SDHC: variants seen among roughly 807,000 people sequenced by gnomAD.
SDHC encodes succinate dehydrogenase complex subunit C.
SDHC carries 11 observed loss-of-function variants against 22.6 expected under a neutral mutation model. The observed-to-expected ratio is 0.49, with a 90% CI of 0.31 to 0.81. The LOEUF (loss-of-function observed/expected upper bound fraction) is 0.81. Among genes scored for constraint, SDHC ranks in the 30% least tolerant of loss-of-function variants. The pLI is 0.05. For missense variants in SDHC, 160 were observed against 212.0 expected, an observed-to-expected ratio of 0.75 and a Z score of 1.52; for synonymous variants, 80 against 77.8, an observed-to-expected ratio of 1.03 and a Z score of -0.15.
intron 3 of SDHC, 89 bp from the exon 4 acceptor site, chr1:161,340,505 A>G (rs1671681567): frequency 1.8e-6 from 2 of 1,131,686 alleles, no homozygotes; most frequent in Non-Finnish European, 2.6e-6. Context: ...TGCCTATTTC[A>G]GAATTAGTTT....
intron 2 of SDHC, among the ~76,000 whole-genome samples, chr1:161,324,611 T>C (rs543834857): frequency 7.8e-4 from 119 of 152,364 alleles, no homozygotes; most frequent in Non-Finnish European, 8.7e-4. Context: ...GATTATGCCA[T>C]ATGAAATTTT....
chr1:161,340,828 G>A (rs1671695498), intron 4 of SDHC, among the ~76,000 whole-genome samples, 173 bp downstream of exon 4: 1 of 152,082 alleles, frequency 6.6e-6, no homozygotes, highest in Non-Finnish European at 1.5e-5. Flanking sequence ...AGTTTGCACT[G>A]TGCTCAGATT....
chr1:161,343,192 G>A (rs1399899093), intron 4 of SDHC, among the ~76,000 whole-genome samples: 1 of 152,172 alleles, frequency 6.6e-6, no homozygotes. Context: ...TCTGTCTTCT[G>A]AGACCCTGAA....
chr1:161,356,994 G>A (rs531497898), intron 5 of SDHC, among the ~76,000 whole-genome samples, 154 bp downstream of exon 5: 4 of 151,590 alleles, frequency 2.6e-5, no homozygotes, highest in East Asian at 1.9e-4. Context: ...GCAGTGGTGC[G>A]ATCTCAGCTC....
intron 1 of SDHC, chr1:161,314,868 T>G: frequency 5.9e-6 from 1 of 169,428 alleles, no homozygotes; most frequent in Non-Finnish European, 1.3e-5. Flanking sequence ...CACTAGCTGC[T>G]CCCACCGTGA....
intron 5 of SDHC, among the ~76,000 whole-genome samples, chr1:161,358,252 T>G (rs1487435456): frequency 6.6e-6 from 1 of 151,746 alleles, no homozygotes; most frequent in Non-Finnish European, 1.5e-5. Flanking sequence ...TTTGCCATGT[T>G]GGCCAGCCTT....
intron 3 of SDHC, among the ~76,000 whole-genome samples, chr1:161,329,523 G>A (rs4308999): frequency 0.11 from 16,133 of 151,874 alleles, 1,616 homozygotes; most frequent in African/African-American, 0.27. Context: ...TAAGAGATGA[G>A]GTTTTGCCAT....
intron 5 of SDHC, among the ~76,000 whole-genome samples, chr1:161,361,011 G>A (rs1473596973): frequency 1.3e-5 from 2 of 152,054 alleles, no homozygotes; most frequent in Non-Finnish European, 1.5e-5. Context: ...CACTGGCAGG[G>A]CTGAGGCAAG....
chr1:161,350,142 A>T (rs773158126), intron 4 of SDHC, among the ~76,000 whole-genome samples: 19 of 152,050 alleles, frequency 1.2e-4, no homozygotes, highest in Non-Finnish European at 2.4e-4. Context: ...ACTCCTGACT[A>T]CAGGTGATCC....
chr1:161,317,298 G>C (rs1408324009), intron 1 of SDHC, among the ~76,000 whole-genome samples: 2 of 151,808 alleles, frequency 1.3e-5, no homozygotes, highest in Admixed American at 6.6e-5. Flanking sequence ...AAAGTGCTGA[G>C]ATTACAGGCA....
intron 1 of SDHC, among the ~76,000 whole-genome samples, chr1:161,315,200 G>C (rs898838826): frequency 6.6e-6 from 1 of 152,174 alleles, no homozygotes; most frequent in Admixed American, 6.5e-5. Context: ...GCATAGTTTT[G>C]TGCCAGCCTT....
chr1:161,344,535 A>G (rs1016631386), intron 4 of SDHC, among the ~76,000 whole-genome samples: 4 of 152,092 alleles, frequency 2.6e-5, no homozygotes, highest in Admixed American at 2.6e-4. Context: ...TCATCAGCAT[A>G]TGTCCTGTTT....
chr1:161,339,625 C>CTTTAA (rs1571867401), intron 3 of SDHC: 3 of 613,732 alleles, frequency 4.9e-6, no homozygotes, highest in Non-Finnish European at 6.3e-6. Context: ...TTTCTTTATT[C>CTTTAA]TTTAATTTAT....
intron 1 of SDHC, 58 bp downstream of exon 1, chr1:161,314,483 C>T (rs1010436213): frequency 4.4e-6 from 7 of 1,592,400 alleles, no homozygotes; most frequent in African/African-American, 2.7e-5. Context: ...CTGAACTGGC[C>T]CCTCACGTTT....
Position 161,362,810 on chromosome 1 carries a change from C to A in SDHC, c.*377C>A. On this transcript the variant is annotated 3_prime_UTR_variant, in exon 6 of 6. Transcript: ENST00000367975. Reference sequence around the variant, plus strand: ...CTGTGGCTTCTGCCCTGGGGATGGGCCGGGTTGGGGGGTGGGTTGGTGAGG... The same window carrying A: ...CTGTGGCTTCTGCCCTGGGGATGGGACGGGTTGGGGGGTGGGTTGGTGAGG... The A allele has an allele frequency of 1.9e-6, 1 of 528,748 alleles. No homozygotes were observed. Among genetic ancestry groups the A allele is most frequent in the Non-Finnish European group, 3.3e-6 (1 of 301,254 alleles). The allele number at this position is 528,748 out of a possible 1,614,324, so 32.8% of individuals were successfully genotyped here.
At chr1:161,359,628 G>C (rs1205700358) in intron 5 of SDHC, among the ~76,000 whole-genome samples, 1 of 152,214 alleles carries the variant, frequency 6.6e-6, no homozygotes, top group Non-Finnish European at 1.5e-5. Flanking sequence ...GAGCTTTTCT[G>C]CCCTGGTTCT....
At chr1:161,327,271 A>G (rs1443870134) in intron 2 of SDHC, among the ~76,000 whole-genome samples, 1 of 152,228 alleles carries the variant, frequency 6.6e-6, no homozygotes, top group Non-Finnish European at 1.5e-5. Context: ...TAAGGACTAA[A>G]CTAAGCTGTG....
At chr1:161,343,268 T>G (rs1264116048) in intron 4 of SDHC, among the ~76,000 whole-genome samples, 1 of 152,196 alleles carries the variant, frequency 6.6e-6, no homozygotes, top group Non-Finnish European at 1.5e-5. Flanking sequence ...GGCCAGTGGC[T>G]CTAGTGTAGG....
chr1:161,314,802 T>G, intron 1 of SDHC: 1 of 248,786 alleles, frequency 4.0e-6, no homozygotes, highest in Non-Finnish European at 7.9e-6. Flanking sequence ...TTTAGACATT[T>G]AGCTTCGGAG....
Sources: gnomAD v4.1 joint callset for allele counts (sites outside exome capture counted in the v4.1 genomes callset) on GRCh38, gnomAD v4.1.1 for gene constraint, MANE v1.5 for transcripts, NCBI Gene and HGNC (gene_info 2026-07-23, HGNC 2026-07-21) for gene names.